Variants in MACF1 observed in about 807,000 individuals in gnomAD.
The protein encoded by MACF1 is microtubule-actin cross-linking factor 1.
In MACF1, 193 loss-of-function variants were observed where a neutral mutation model predicts 854.8. The ratio of observed to expected loss-of-function variants is 0.23; its 90% CI spans 0.20 to 0.25. The LOEUF is 0.25. MACF1 is among the 10% of genes least tolerant of loss of function. The probability of loss-of-function intolerance (pLI) is 1.00; values close to 1 mark genes in which losing one functional copy is unlikely to be tolerated. For synonymous variants in MACF1, 3,185 were observed against 3,226.7 expected (o/e 0.99, Z 0.44); for missense variants, 7,722 against 8,929.1 (o/e 0.86, Z 5.45).
At chr1:39,461,083 CA>C (rs1284550970) in intron 92 of MACF1, among the ~76,000 whole-genome samples, 3,431 of 63,478 alleles carry the variant, frequency 0.054, 93 homozygotes, top group African/African-American at 0.16. Flanking sequence ...GACTCTGTCT[CA>C]AAAAAAAAAA....
intron 40 of MACF1, among the ~76,000 whole-genome samples, chr1:39,342,551 T>TG (rs1646958019): frequency 6.9e-6 from 1 of 145,906 alleles, no homozygotes; most frequent in African/African-American, 2.6e-5. Context: ...TTTTTTTTTT[T>TG]TGTGTGACAG....
chr1:39,226,370 T>C (rs535560555), intron 1 of MACF1, among the ~76,000 whole-genome samples: 83 of 151,856 alleles, frequency 5.5e-4, no homozygotes, highest in Middle Eastern at 3.4e-3. Flanking sequence ...AGATGGAGTC[T>C]TGCGCTGTTG....
intron 2 of MACF1, among the ~76,000 whole-genome samples, chr1:39,087,622 C>T (rs776984337): frequency 3.3e-5 from 5 of 152,146 alleles, no homozygotes; most frequent in Non-Finnish European, 5.9e-5. Flanking sequence ...TGTCTTGTTT[C>T]GGTTTATCAG....
chr1:39,332,593 C>T lies in MACF1; in HGVS notation c.6005C>T (p.Pro2002Leu), dbSNP rs761691501. Residue 2002 changes from proline to leucine, a missense_variant, in exon 37 of 101, where the codon CCT becomes CTT. Physicochemically the swap from Pro to Leu is moderately conservative, Grantham distance 98. Coordinates refer to ENST00000564288, the MANE Select transcript of MACF1 (RefSeq NM_001394062.1). ...LTSRDEYQTS[P>L]PKVVEIGHQR... ...TCCAGAGATGAGTATCAAACAAGTC[C>T]TCCAAAAGTGGTTGAAATTGGGCAT... 8.7e-6 allele frequency: 14 copies of T among 1,614,092 alleles called. No individual in the cohort carries two copies. Among genetic ancestry groups the T allele is most frequent in the Middle Eastern group, 3.3e-4 (2 of 6,062 alleles).
chr1:39,459,790 T>C (rs1644517475), intron 91 of MACF1: 1 of 1,298,096 alleles, frequency 7.7e-7, no homozygotes, highest in African/African-American at 1.5e-5. Context: ...TAATATCTTT[T>C]GTATTTTTTT....
chr1:39,357,498 A>C lies in MACF1; in HGVS notation c.11548A>C (p.Lys3850Gln). The C allele has an allele frequency of 1.9e-6, 3 of 1,614,188 alleles. No individual in the cohort carries two copies. Among genetic ancestry groups the C allele is most frequent in the Non-Finnish European group, 2.5e-6 (3 of 1,180,042 alleles). ...TPEEQQMLQQ[K>Q]LGELKEQYST... The stretch of plus-strand genomic sequence containing the variant: ...TGAGGAGCAACAGATGCTGCAACAG[A>C]AGCTGGGAGAGCTAAAGGAACAATA... The change falls in exon 45 of 101, where the codon AAG becomes CAG. Residue 3850 changes from lysine (K) to glutamine (Q), a missense_variant. This residue lies in a region of MACF1 where 2,807 missense variants were observed against 3,235.8 expected (regional missense o/e 0.87). Coordinates refer to ENST00000564288, the MANE Select transcript of MACF1 (RefSeq NM_001394062.1).
chr1:39,477,071 A>G (rs1644906127), intron 97 of MACF1, among the ~76,000 whole-genome samples: 3 of 16,806 alleles, frequency 1.8e-4, no homozygotes, highest in East Asian at 1.6e-3. Context: ...ATATATATAT[A>G]TATATATATA....
At chr1:39,266,515 C>T (rs560305174) in intron 6 of MACF1, among the ~76,000 whole-genome samples, 12 of 150,246 alleles carry the variant, frequency 8.0e-5, no homozygotes, top group Non-Finnish European at 1.6e-4. Flanking sequence ...GCAGATGGGA[C>T]ATCAGGAGGG....
intron 58 of MACF1, among the ~76,000 whole-genome samples, chr1:39,421,803 G>A (rs558941602): frequency 2.0e-5 from 3 of 152,158 alleles, no homozygotes; most frequent in Admixed American, 6.5e-5. Context: ...GGCCGGGCGC[G>A]GTGGCTCACG....
At chr1:39,154,297 G>C (rs920265451) in intron 2 of MACF1, 1 of 152,172 alleles carries the variant, frequency 6.6e-6, no homozygotes, top group South Asian at 2.1e-4. Context: ...GGCCGTGGAC[G>C]AGACACTGCC....
In MACF1 at chr1:39,333,680, C is replaced by T. The variant is rs1283931044; in HGVS notation, c.7092C>T (p.Leu2364=). ...ATGAGAAATTATTACATAATGTCCT[C>T]ATGGCAGACAAAGCTATAAGTGGTG... is the stretch of plus-strand genomic sequence containing the variant. ...LMDEKLLHNV[L]MADKAISGVL... The change falls in exon 37 of 101, where the codon CTC becomes CTT. Residue 2364 remains leucine (L), a synonymous_variant. Transcript: ENST00000564288. The T allele has an allele frequency of 5.0e-6, 8 of 1,614,066 alleles. No homozygotes were observed. In the African/African-American group the frequency reaches 5.3e-5, roughly 11 times the overall value.
intron 2 of MACF1, among the ~76,000 whole-genome samples, chr1:39,087,582 T>G (rs1180646460): frequency 1.3e-5 from 2 of 152,206 alleles, no homozygotes; most frequent in Non-Finnish European, 2.9e-5. Context: ...CCCAGCCACA[T>G]TCAAATGTAA....
intron 14 of MACF1, among the ~76,000 whole-genome samples, chr1:39,287,054 G>T (rs879944632): frequency 6.6e-6 from 1 of 151,440 alleles, no homozygotes; most frequent in Admixed American, 6.6e-5. Flanking sequence ...TCCGCCTCCT[G>T]AGTTCAAGCA....
intron 23 of MACF1, among the ~76,000 whole-genome samples, chr1:39,308,767 T>G (rs1646240297): frequency 6.6e-6 from 1 of 152,052 alleles, no homozygotes; most frequent in Non-Finnish European, 1.5e-5. Context: ...GCGATTCTCC[T>G]GCCTCAGCCT....
At position 39,385,875 on chromosome 1, in the gene MACF1, A is replaced by G. The variant is rs1185357800; in HGVS notation, c.14290A>G (p.Lys4764Glu). ...IGEQYLKDEL[K>E]KRLETVALPL... ...TGAGCAGTACCTCAAGGATGAACTG[A>G]AGAAGCGTTTGGAGACAGTTGCCCT... The change falls in exon 57 of 101, where the codon AAG (lysine) becomes GAG (glutamate). Residue 4764 changes from lysine (K) to glutamate (E), a missense_variant. Around this residue, in one of 15 missense-constraint regions of MACF1, gnomAD observed 2,807 missense variants for 3,235.8 expected, o/e 0.87. Transcript: ENST00000564288. 1 of 1,614,078 alleles carries G rather than the reference A, an allele frequency of 6.2e-7. No individual in the cohort carries two copies. Among genetic ancestry groups the G allele is most frequent in the South Asian group, 1.1e-5 (1 of 91,080 alleles).
At chr1:39,388,851 TTTCTTTTTCTTC>T (rs1641901461) in intron 58 of MACF1, among the ~76,000 whole-genome samples, 193 bp downstream of exon 58, 1 of 150,686 alleles carries the variant, frequency 6.6e-6, no homozygotes, top group Non-Finnish European at 1.5e-5. Flanking sequence ...CATTTTTCTT[TTTCTTTTTCTTC>T]TTCTTCTTCT....
chr1:39,309,014 G>A (rs1044352117), intron 23 of MACF1, among the ~76,000 whole-genome samples: 4 of 152,068 alleles, frequency 2.6e-5, no homozygotes, highest in Non-Finnish European at 2.9e-5. Flanking sequence ...TAGCATTTTT[G>A]TAAATATTTG....
intron 2 of MACF1, among the ~76,000 whole-genome samples, chr1:39,142,426 T>A (rs1415824955): frequency 1.3e-5 from 2 of 152,116 alleles, no homozygotes; most frequent in Non-Finnish European, 2.9e-5. Context: ...TTAAAAAAAA[T>A]TTAACACCTT....
At chr1:39,368,000 T>G in intron 49 of MACF1, 148 bp from the exon 50 acceptor site, 2 of 532,094 alleles carry the variant, frequency 3.8e-6, no homozygotes, top group African/African-American at 2.9e-5. Context: ...AAAATGTTTG[T>G]TTGTTTTTTT....
Sources: allele counts gnomAD v4.1 joint callset (sites outside exome capture counted in the v4.1 genomes callset), GRCh38; gene constraint gnomAD v4.1.1; regional missense constraint gnomAD v4.1.1; transcripts MANE v1.5; gene names NCBI Gene and HGNC (gene_info 2026-07-23, HGNC 2026-07-21).